Variants in CRACR2A observed in about 807,000 individuals in gnomAD.
CRACR2A encodes EF-hand calcium-binding domain-containing protein 4B.
CRACR2A carries 79 observed loss-of-function variants against 90.5 expected under a neutral mutation model. That is an observed-to-expected ratio of 0.87 (90% CI 0.73 to 1.05). The LOEUF is 1.05. Ranked by LOEUF, CRACR2A falls within the 50% of genes least tolerant of loss-of-function variation. CRACR2A has a pLI of 0.00. For missense variants in CRACR2A, 823 were observed against 897.2 expected, an observed-to-expected ratio of 0.92 and a Z score of 1.06; for synonymous variants, 338 against 356.7, an observed-to-expected ratio of 0.95 and a Z score of 0.59.
At chr12:3,643,734 T>C (rs1425407529) in intron 12 of CRACR2A, among the ~76,000 whole-genome samples, 1 of 132,304 alleles carries the variant, frequency 7.6e-6, no homozygotes, top group East Asian at 2.1e-4. Context: ...CACACACATA[T>C]ACACATACAT....
chr12:3,720,464 A>AAAGAAAGAAGAAAGAAAGC (rs1478961662), intron 2 of CRACR2A, among the ~76,000 whole-genome samples: 2 of 150,792 alleles, frequency 1.3e-5, no homozygotes, highest in African/African-American at 4.9e-5. Context: ...AGAAAGAAAG[A>AAAGAAAGAAGAAAGAAAGC]AAGCAAAAGA....
intron 17 of CRACR2A, 31 bp from the exon 18 acceptor site, chr12:3,619,403 G>C: frequency 6.5e-7 from 1 of 1,528,808 alleles, no homozygotes; most frequent in Non-Finnish European, 8.9e-7. Flanking sequence ...TCAACTGAGA[G>C]GGGTGTCATA....
chr12:3,628,857 C>T (rs1016989151), intron 15 of CRACR2A, among the ~76,000 whole-genome samples: 4 of 152,086 alleles, frequency 2.6e-5, no homozygotes, highest in African/African-American at 7.2e-5. Context: ...TAAATGGAAA[C>T]GGTCATCCCA....
chr12:3,720,753 A>T (rs937426486), intron 2 of CRACR2A, among the ~76,000 whole-genome samples: 1 of 152,218 alleles, frequency 6.6e-6, no homozygotes, highest in Non-Finnish European at 1.5e-5. Context: ...TTTTAATCTA[A>T]CCAGAGTATT....
intron 2 of CRACR2A, chr12:3,728,310 T>G (rs1946303236): frequency 6.6e-6 from 1 of 152,268 alleles, no homozygotes; most frequent in Non-Finnish European, 1.5e-5. Flanking sequence ...ACTGACTCCC[T>G]CCCCAACCCC....
chr12:3,727,773 T>C (rs1310098813), intron 2 of CRACR2A: 1 of 152,154 alleles, frequency 6.6e-6, no homozygotes, highest in Non-Finnish European at 1.5e-5. Flanking sequence ...AAACTACCTA[T>C]TGCATACTAT....
At chr12:3,647,952 C>CT in intron 11 of CRACR2A, 1 of 985,588 alleles carries the variant, frequency 1.0e-6, no homozygotes, top group Non-Finnish European at 1.2e-6. Flanking sequence ...GACCAGTAAA[C>CT]TTTGAGTTTA....
chr12:3,662,710 T>C (rs1251492025), intron 7 of CRACR2A, among the ~76,000 whole-genome samples: 1 of 152,182 alleles, frequency 6.6e-6, no homozygotes, highest in Non-Finnish European at 1.5e-5. Flanking sequence ...ACCAATCCAT[T>C]GGAGACCCAG....
chr12:3,644,722 G>T, intron 11 of CRACR2A, 82 bp from the exon 12 acceptor site: 1 of 1,259,306 alleles, frequency 7.9e-7, no homozygotes, highest in Non-Finnish European at 1.1e-6. Flanking sequence ...CTATTCAGAT[G>T]GGTGCAGGGG....
intron 2 of CRACR2A, chr12:3,726,420 T>C (rs1946265505): frequency 6.6e-6 from 1 of 152,062 alleles, no homozygotes; most frequent in Non-Finnish European, 1.5e-5. Flanking sequence ...AGTCAACACT[T>C]CCACCTACCT....
chr12:3,640,480 T>C lies in CRACR2A; in HGVS notation c.1271+1252A>G, dbSNP rs569582709. ...GCTTTACAGAACTCAAAAGAATGTCTGGTACACAGTAGGTAATCAGTAAAC... is the reference window on the plus strand; with the variant it reads ...GCTTTACAGAACTCAAAAGAATGTCCGGTACACAGTAGGTAATCAGTAAAC... On this transcript the variant is annotated intron_variant, in intron 13 of 19. Transcript: ENST00000440314. The C allele has an allele frequency of 6.9e-5, 81 of 1,180,252 alleles. 1 individual carries two copies. The highest frequency in any genetic ancestry group is 5.4e-4 in the South Asian group (33 of 61,416). The allele number at this position is 1,180,252 out of a possible 1,614,324, so 73.1% of individuals were successfully genotyped here. A position where few individuals can be genotyped will look rare whatever the true frequency, so the allele number is the denominator to read the frequency against.
intron 17 of CRACR2A, among the ~76,000 whole-genome samples, chr12:3,620,603 A>G (rs968466810): frequency 6.6e-6 from 1 of 152,256 alleles, no homozygotes; most frequent in Admixed American, 6.5e-5. Context: ...AGAATCAAAA[A>G]GAACATTCAA....
At chr12:3,662,227 G>A (rs1056235414) in intron 7 of CRACR2A, among the ~76,000 whole-genome samples, 2 of 152,334 alleles carry the variant, frequency 1.3e-5, no homozygotes, top group Middle Eastern at 3.4e-3. Flanking sequence ...TTGGTCTGCT[G>A]TGAGACTCTC....
At chr12:3,707,846 A>G (rs1443453244) in intron 3 of CRACR2A, among the ~76,000 whole-genome samples, 3 of 152,174 alleles carry the variant, frequency 2.0e-5, no homozygotes, top group African/African-American at 7.2e-5. Flanking sequence ...ATACAATTCT[A>G]TATATACCAG....
chr12:3,678,045 T>C lies in CRACR2A; in HGVS notation c.524+870A>G, dbSNP rs948048943. The stretch of plus-strand genomic sequence containing the variant: ...CTCAGGAAATGTCAGCTGTAATCAG[T>C]AGGGCATTCCCACACTACAGGAAAC... On this transcript the variant is annotated intron_variant, in intron 6 of 19. Transcript: ENST00000440314. Among the ~76,000 whole-genome samples the C allele has an allele frequency of 7.2e-5, 11 of 152,288 alleles. No homozygotes were observed. The South Asian group carries it at 1.2e-3, about 17-fold the overall frequency.
intron 1 of CRACR2A, among the ~76,000 whole-genome samples, chr12:3,742,513 A>T (rs1946544118): frequency 6.6e-6 from 1 of 152,212 alleles, no homozygotes; most frequent in Admixed American, 6.5e-5. Flanking sequence ...GGAAGGATCA[A>T]AAAGTCCAGA....
chr12:3,654,093 C>G, intron 10 of CRACR2A, 119 bp downstream of exon 10: 1 of 1,203,440 alleles, frequency 8.3e-7, no homozygotes, highest in Admixed American at 2.5e-5. Flanking sequence ...CAGGGAGCAA[C>G]AAGCCCAAAT....
At chr12:3,643,887 A>ATATATTATATATATTTATATTAT (rs5796068) in intron 12 of CRACR2A, among the ~76,000 whole-genome samples, 1 of 100,284 alleles carries the variant, frequency 1.0e-5, no homozygotes, top group East Asian at 2.9e-4. Flanking sequence ...TATTTATATT[A>ATATATTATATATATTTATATTAT]ATATATAATA....
At chr12:3,697,140 G>C in intron 3 of CRACR2A, 105 bp from the exon 4 acceptor site, 1 of 1,354,878 alleles carries the variant, frequency 7.4e-7, no homozygotes, top group Non-Finnish European at 9.8e-7. Flanking sequence ...ACACCAGTGT[G>C]TCCAGGAATC....
Sources: gnomAD v4.1 joint callset for allele counts (sites outside exome capture counted in the v4.1 genomes callset) on GRCh38, gnomAD v4.1.1 for gene constraint, MANE v1.5 for transcripts, NCBI Gene and HGNC (gene_info 2026-07-23, HGNC 2026-07-21) for gene names.